SNRNP200: variants seen among roughly 807,000 people sequenced by gnomAD.
SNRNP200 encodes small nuclear ribonucleoprotein U5 subunit 200.
Under a neutral mutation model 255.2 loss-of-function variants are expected in SNRNP200, and 66 were observed. The observed-to-expected ratio is 0.26, with a 90% confidence interval of 0.21 to 0.32. The LOEUF is 0.32. SNRNP200 is among the 10% of genes least tolerant of loss of function. The pLI, the probability that SNRNP200 is intolerant of heterozygous loss-of-function variation, is 1.00. For synonymous variants in SNRNP200, 939 were observed against 1,027.8 expected, an observed-to-expected ratio of 0.91 and a Z score of 1.65; for missense variants, 1,585 against 2,749.8, an observed-to-expected ratio of 0.58 and a Z score of 9.47.
chr2:96,289,147 A>G, intron 22 of SNRNP200, 30 bp from the exon 23 acceptor site: 1 of 1,613,938 alleles, frequency 6.2e-7, no homozygotes, highest in Non-Finnish European at 8.5e-7. Flanking sequence ...GTCAAGGGAA[A>G]GCCTTGTGGC....
In SNRNP200 at chr2:96,277,992, C is replaced by G; in HGVS notation, c.5611-42G>C. The G allele has an allele frequency of 6.2e-7, 1 of 1,614,016 alleles. No individual in the cohort carries two copies. Among genetic ancestry groups the G allele is most frequent in the Non-Finnish European group, 8.5e-7 (1 of 1,179,964 alleles). ...AAATAGCTGGTGATGAACAGGTGAC[C>G]CTGCCTGAGACCAGCTCAGGCCAAA... On this transcript the variant is annotated intron_variant, in intron 39 of 44. Transcript: ENST00000323853. This position sits in a 1 kb window ranked among gnomAD's most constrained non-coding sequence, Gnocchi z 4.4.
At chr2:96,295,754 G>C in intron 13 of SNRNP200, 96 bp from the exon 14 acceptor site, 2 of 1,277,056 alleles carry the variant, frequency 1.6e-6, no homozygotes, top group Non-Finnish European at 2.2e-6. Context: ...ATTGGGAGCA[G>C]GTATCAACCC....
chr2:96,290,354 A>G lies in SNRNP200; in HGVS notation c.2714T>C (p.Ile905Thr), dbSNP rs768986312. 4 of 1,614,094 alleles carry G rather than the reference A, an allele frequency of 2.5e-6. No individual in the cohort carries two copies. Among genetic ancestry groups the G allele is most frequent in the Non-Finnish European group, 3.4e-6 (4 of 1,180,016 alleles). Reference sequence around the variant, plus strand: ...GGCATTCTGGACATTTCCTAGCACGATTTCTGCATTGAGCATGTCAGGAAG... The same window carrying G: ...GGCATTCTGGACATTTCCTAGCACGGTTTCTGCATTGAGCATGTCAGGAAG... ...SKLPDMLNAE[I>T]VLGNVQNAKD... The change falls in exon 20 of 45, where the codon ATC (isoleucine) becomes ACC (threonine). Residue 905 changes from isoleucine to threonine, a missense_variant. By Grantham distance (89) the Ile-to-Thr change is moderately conservative. Coordinates refer to ENST00000323853, the MANE Select transcript of SNRNP200 (RefSeq NM_014014.5). This position sits in a 1 kb window ranked among gnomAD's most constrained non-coding sequence, Gnocchi z 4.5.
chr2:96,283,513 C>T lies in SNRNP200; in HGVS notation c.4763+22G>A, dbSNP rs769603992. On this transcript the variant is annotated intron_variant, in intron 33 of 44. Coordinates refer to ENST00000323853, the MANE Select transcript of SNRNP200 (RefSeq NM_014014.5). This position sits in a 1 kb window ranked among gnomAD's most constrained non-coding sequence, Gnocchi z 4.7. ...GCCTCACTTAACCTAACCCCAACCC[C>T]CAGACGCCAGGCCCCACCTACCTCT... 1.6e-5 allele frequency: 26 copies of T among 1,613,990 alleles called. No homozygotes were observed. The highest frequency in any genetic ancestry group is 2.2e-5 in the Non-Finnish European group (26 of 1,180,038).
chr2:96,277,071 T>C lies in SNRNP200; in HGVS notation c.6092+10A>G. 3 of 1,614,220 alleles carry C rather than the reference T, an allele frequency of 1.9e-6. No individual in the cohort carries two copies. The highest frequency in any genetic ancestry group is 2.5e-6 in the Non-Finnish European group (3 of 1,180,030). On this transcript the variant is annotated intron_variant, in intron 42 of 44. Coordinates refer to ENST00000323853, the MANE Select transcript of SNRNP200 (RefSeq NM_014014.5). This position sits in a 1 kb window ranked among gnomAD's most constrained non-coding sequence, Gnocchi z 4.4. ...TATGCTGTGCCCAACAGGCACCACCTCTGGCTCACCTGCGGATGCTGTCCT... is the reference window on the plus strand; with the variant it reads ...TATGCTGTGCCCAACAGGCACCACCCCTGGCTCACCTGCGGATGCTGTCCT...
chr2:96,300,836 CT>C (rs1320411871), intron 5 of SNRNP200, among the ~76,000 whole-genome samples, 161 bp downstream of exon 5: 2 of 151,924 alleles, frequency 1.3e-5, no homozygotes, highest in Non-Finnish European at 2.9e-5. Context: ...GATAACTGCA[CT>C]TTTTTTTAAG....
chr2:96,294,171 C>T (rs894677840), intron 14 of SNRNP200, among the ~76,000 whole-genome samples: 4 of 150,948 alleles, frequency 2.6e-5, no homozygotes, highest in East Asian at 1.9e-4. Flanking sequence ...CAGTGGCTCA[C>T]GCCTGTAATC....
chr2:96,296,313 T>C (rs1272793019), intron 13 of SNRNP200, among the ~76,000 whole-genome samples: 1 of 152,206 alleles, frequency 6.6e-6, no homozygotes, highest in Non-Finnish European at 1.5e-5. Context: ...GAAAGAAAGA[T>C]GCTAACCCTT....
At position 96,301,734 on chromosome 2, in the gene SNRNP200, C is replaced by T. The variant is rs1434173165; in HGVS notation, c.382-18G>A. ...TCACGTGGCTGGTGGCAAGAAACAACCAACCAATATTGAGAACGACGACAG... is the reference window on the plus strand; with the variant it reads ...TCACGTGGCTGGTGGCAAGAAACAATCAACCAATATTGAGAACGACGACAG... On this transcript the variant is annotated intron_variant, in intron 3 of 44. Coordinates refer to ENST00000323853, the MANE Select transcript of SNRNP200 (RefSeq NM_014014.5). 6.2e-7 allele frequency: 1 copy of T among 1,613,916 alleles called. No homozygotes were observed. Among genetic ancestry groups the T allele is most frequent in the Non-Finnish European group, 8.5e-7 (1 of 1,179,990 alleles).
Position 96,290,555 on chromosome 2 carries a change from A to AT in SNRNP200, c.2554-42_2554-41insA, listed in dbSNP as rs1323265383. ...CGAACCAAGAATGCTATGTCAAGAG[A>AT]ATGTCTGAATTTTGATGCAGGTATC... On this transcript the variant is annotated intron_variant, in intron 19 of 44. Transcript: ENST00000323853. The surrounding 1 kb of genome is among the most constrained non-coding windows in gnomAD (Gnocchi z 4.5). The AT allele has an allele frequency of 1.1e-5, 17 of 1,613,594 alleles. No homozygotes were observed. The highest frequency in any genetic ancestry group is 1.7e-5 in the Admixed American group (1 of 59,980).
chr2:96,301,864 G>A, intron 3 of SNRNP200, 148 bp from the exon 4 acceptor site: 1 of 814,404 alleles, frequency 1.2e-6, no homozygotes. Flanking sequence ...TAATGCTGAT[G>A]CCACAACTAA....
At chr2:96,301,405 A>C (rs2063951368) in intron 4 of SNRNP200, 119 bp downstream of exon 4, 3 of 1,100,054 alleles carry the variant, frequency 2.7e-6, no homozygotes, top group Admixed American at 3.4e-5. Context: ...CAAAAAACAC[A>C]GAACAGATTA....
chr2:96,287,994 C>G lies in SNRNP200; in HGVS notation c.3259-25G>C. ...ACTAAGCAAAGAAGCAGCATTCCCA[C>G]TGTTAAGTCTCGACTATCCCCAGGC... On this transcript the variant is annotated intron_variant, in intron 24 of 44. Transcript: ENST00000323853. This position sits in a 1 kb window ranked among gnomAD's most constrained non-coding sequence, Gnocchi z 5.7. 1 of 1,606,454 alleles carries G rather than the reference C, an allele frequency of 6.2e-7. No homozygotes were observed. The highest frequency in any genetic ancestry group is 1.1e-5 in the South Asian group (1 of 90,952).
chr2:96,292,382 T>C (rs919580655), intron 16 of SNRNP200, among the ~76,000 whole-genome samples: 1 of 152,270 alleles, frequency 6.6e-6, no homozygotes, highest in African/African-American at 2.4e-5. Context: ...TATAAATTCA[T>C]ATGCTTCTTT....
Position 96,278,434 on chromosome 2 carries a change from T to C in SNRNP200, c.5489-76A>G, listed in dbSNP as rs1248892077. 1.2e-6 allele frequency: 2 copies of C among 1,611,594 alleles called. No individual in the cohort carries two copies. Among genetic ancestry groups the C allele is most frequent in the Non-Finnish European group, 8.5e-7 (1 of 1,179,242 alleles). ...CAGAACTGCCCGGGCTCCCCTGCTG[T>C]CCCCTGCAGTGTCATCCCGCTGACA... On this transcript the variant is annotated intron_variant, in intron 38 of 44. Transcript: ENST00000323853. The surrounding 1 kb of genome is among the most constrained non-coding windows in gnomAD (Gnocchi z 6.9).
At chr2:96,297,759 T>C (rs751771045) in intron 9 of SNRNP200, 39 bp from the exon 10 acceptor site, 1 of 1,608,440 alleles carries the variant, frequency 6.2e-7, no homozygotes, top group South Asian at 1.1e-5. Context: ...AAACAATTCA[T>C]CAGTATCATA....
chr2:96,284,155 C>T (rs146594434), intron 31 of SNRNP200, 151 bp from the exon 32 acceptor site: 13 of 879,522 alleles, frequency 1.5e-5, no homozygotes, highest in East Asian at 2.6e-5. Flanking sequence ...ACCTCCTCCA[C>T]GGCAGCCAAC....
At chr2:96,300,387 C>T (rs2063944791) in intron 5 of SNRNP200, among the ~76,000 whole-genome samples, 1 of 152,164 alleles carries the variant, frequency 6.6e-6, no homozygotes, top group African/African-American at 2.4e-5. Flanking sequence ...TAAAACATAG[C>T]AGATACATTC....
At position 96,277,713 on chromosome 2, in the gene SNRNP200, T is replaced by C. The variant is rs986829684; in HGVS notation, c.5757A>G (p.Ala1919=). Reference sequence around the variant, plus strand: ...CCACGCAGGCCTGGATGAGCCGGATTGCCTGAACAGGAAAAGGAGTATAAA... The same window carrying C: ...CCACGCAGGCCTGGATGAGCCGGATCGCCTGAACAGGAAAAGGAGTATAAA... ...QSDTEEILSK[A]IRLIQACVDV... Residue 1919 remains alanine, a splice_region_variant and synonymous_variant, in exon 41 of 45, where the codon GCA becomes GCG. Transcript: ENST00000323853. This position sits in a 1 kb window ranked among gnomAD's most constrained non-coding sequence, Gnocchi z 4.4. 6.2e-7 allele frequency: 1 copy of C among 1,614,114 alleles called. No individual in the cohort carries two copies. The highest frequency in any genetic ancestry group is 8.5e-7 in the Non-Finnish European group (1 of 1,180,024).
Sources: allele counts gnomAD v4.1 joint callset (sites outside exome capture counted in the v4.1 genomes callset), GRCh38; gene constraint gnomAD v4.1.1; non-coding constraint Gnocchi (gnomAD v3.1); transcripts MANE v1.5; gene names NCBI Gene and HGNC (gene_info 2026-07-23, HGNC 2026-07-21).